OR2L2: variants seen among roughly 807,000 people sequenced by gnomAD.
OR2L2 encodes olfactory receptor 2L2.
For synonymous variants in OR2L2, 156 were observed against 135.4 expected, an observed-to-expected ratio of 1.15 and a Z score of -1.06; for missense variants, 378 against 375.2, an observed-to-expected ratio of 1.01 and a Z score of -0.06.
chr1:248,032,002 G>A (rs1384475949), intron 1 of OR2L2, among the ~76,000 whole-genome samples: 1 of 151,838 alleles, frequency 6.6e-6, no homozygotes, highest in Non-Finnish European at 1.5e-5. Context: ...AGAAATGTTT[G>A]GAATGTTAAT....
In OR2L2 at chr1:248,033,609, G is replaced by GT. The variant is rs61098243; in HGVS notation, c.-96-1928dup. ...GAGCCACCACACCTGGCTAATTTTT[G>GT]TTTTTTTTTTTTTGTACAGACAGGA... is the stretch of plus-strand genomic sequence containing the variant. On this transcript the variant is annotated intron_variant, in intron 1 of 2. Transcript: ENST00000641771. Among the ~76,000 whole-genome samples, 250 of 136,188 alleles carry GT rather than the reference G, an allele frequency of 1.8e-3. 1 individual carries two copies. The Middle Eastern group carries it at 0.024, about 13-fold the overall frequency. 89.3% of individuals were successfully genotyped at this position (136,188 alleles called of 152,430 possible).
intron 1 of OR2L2, among the ~76,000 whole-genome samples, chr1:248,033,399 T>C (rs1662671774): frequency 4.6e-5 from 7 of 152,014 alleles, no homozygotes; most frequent in Admixed American, 4.6e-4. Context: ...TATATGACAG[T>C]CTATTTCTTG....
intron 1 of OR2L2, among the ~76,000 whole-genome samples, chr1:248,033,051 G>T (rs1662662001): frequency 6.6e-6 from 1 of 152,112 alleles, no homozygotes; most frequent in Admixed American, 6.5e-5. Flanking sequence ...TTTTAACATT[G>T]AGATGACTTT....
Position 248,039,503 on chromosome 1 carries a change from C to G in OR2L2, c.*297C>G, listed in dbSNP as rs1365492520. 1 of 204,322 alleles carries G rather than the reference C, an allele frequency of 4.9e-6. No individual in the cohort carries two copies. The highest frequency in any genetic ancestry group is 1.0e-5 in the Non-Finnish European group (1 of 99,792). 12.7% of individuals were successfully genotyped at this position (204,322 alleles called of 1,614,324 possible). A position where few individuals can be genotyped will look rare whatever the true frequency, so the allele number is the denominator to read the frequency against. On this transcript the variant is annotated 3_prime_UTR_variant, in exon 3 of 3. Coordinates refer to ENST00000641771, the MANE Select transcript of OR2L2 (RefSeq NM_001385855.1). ...TGGCGCAATCTCAGCTCCCCATAAC[C>G]TCTGCCTCCTGGGTTCAAGCGATTC...
intron 1 of OR2L2, among the ~76,000 whole-genome samples, chr1:248,030,851 AG>A (rs1662600095): frequency 6.6e-6 from 1 of 152,182 alleles, no homozygotes; most frequent in South Asian, 2.1e-4. Context: ...AGTCAATAAA[AG>A]TTCATGCTGG....
chr1:248,031,652 GT>G (rs766041769), intron 1 of OR2L2, among the ~76,000 whole-genome samples: 10 of 152,164 alleles, frequency 6.6e-5, no homozygotes, highest in Non-Finnish European at 1.2e-4. Flanking sequence ...GTGGGAGGGA[GT>G]TTTTGGGGTG....
chr1:248,031,580 T>C (rs1000273037), intron 1 of OR2L2, among the ~76,000 whole-genome samples: 1 of 152,148 alleles, frequency 6.6e-6, no homozygotes, highest in Non-Finnish European at 1.5e-5. Flanking sequence ...GTATTTTCTA[T>C]CCAATGGTCT....
rs1437714481 is a variant in OR2L2, at chr1:248,039,088, C to A, written c.821C>A (p.Ala274Asp). Residue 274 changes from alanine to aspartate, a missense_variant, in exon 3 of 3, where the codon GCT becomes GAT. By Grantham distance (126) the Ala-to-Asp change is moderately radical (BLOSUM62 -2). Coordinates refer to ENST00000641771, the MANE Select transcript of OR2L2 (RefSeq NM_001385855.1). ...TCTCCAACAGAGGACAAGATTCTGG[C>A]TGTTTTCTACACCATCCTCACCCCA... The part of the protein sequence containing the change: ...LRSPTEDKIL[A>D]VFYTILTPML... 6.2e-7 allele frequency: 1 copy of A among 1,614,096 alleles called. No individual in the cohort carries two copies. Among genetic ancestry groups the A allele is most frequent in the Non-Finnish European group, 8.5e-7 (1 of 1,180,014 alleles).
At chr1:248,036,399 T>C (rs1023294670) in intron 2 of OR2L2, among the ~76,000 whole-genome samples, 1 of 152,242 alleles carries the variant, frequency 6.6e-6, no homozygotes, top group African/African-American at 2.4e-5. Context: ...GTGGATTTTA[T>C]AACATATCAT....
At chr1:248,032,332 C>T (rs1220786235) in intron 1 of OR2L2, among the ~76,000 whole-genome samples, 2 of 151,868 alleles carry the variant, frequency 1.3e-5, no homozygotes, top group Admixed American at 6.6e-5. Flanking sequence ...TGAGATAATA[C>T]ATATTATCTC....
rs1417487777 is a variant in OR2L2 at position 248,040,957 on chromosome 1, ATAATT to A, written c.*1755_*1759del. The A allele has an allele frequency of 2.0e-5, 3 of 152,198 alleles. No homozygotes were observed. Among genetic ancestry groups the A allele is most frequent in the African/African-American group, 7.2e-5 (3 of 41,456 alleles). 9.4% of individuals were successfully genotyped at this position (152,198 alleles called of 1,614,324 possible). On this transcript the variant is annotated 3_prime_UTR_variant, in exon 3 of 3. Transcript: ENST00000641771. ...CATTTAGAGTTTACTAGAGTACTGA[ATAATT>A]TAAATTTTGACTTATAGAATGGCAA...
rs542260753 is a variant in OR2L2, at chr1:248,030,215, G to T, written c.-117G>T. ...AGCTAAGCAAAGGCACTGAGTGTTT[G>T]GAAATGAGGAAATAATAAAGGTACT... On this transcript the variant is annotated 5_prime_UTR_variant, in exon 1 of 3. Transcript: ENST00000641771. 6.6e-6 allele frequency: 1 copy of T among 152,042 alleles called. No individual in the cohort carries two copies. Among genetic ancestry groups the T allele is most frequent in the Non-Finnish European group, 1.5e-5 (1 of 67,976 alleles). 9.4% of individuals were successfully genotyped at this position (152,042 alleles called of 1,614,324 possible).
chr1:248,038,128 A>T (rs1662816126), intron 2 of OR2L2, 119 bp from the exon 3 acceptor site: 1 of 583,462 alleles, frequency 1.7e-6, no homozygotes, highest in Non-Finnish European at 3.1e-6. Context: ...ATATAAAAAT[A>T]GTTTATATAG....
At chr1:248,032,918 A>G (rs1488830041) in intron 1 of OR2L2, among the ~76,000 whole-genome samples, 1 of 152,210 alleles carries the variant, frequency 6.6e-6, no homozygotes, top group Non-Finnish European at 1.5e-5. Context: ...AGAAATTACT[A>G]TACAGATGGT....
Position 248,034,116 on chromosome 1 carries a change from C to G in OR2L2, c.-96-1434C>G, listed in dbSNP as rs150316852. Among the ~76,000 whole-genome samples the G allele has an allele frequency of 6.6e-5, 10 of 152,228 alleles. No individual in the cohort carries two copies. In the East Asian group the frequency reaches 1.9e-3, roughly 29 times the overall value. On this transcript the variant is annotated intron_variant, in intron 1 of 2. Coordinates refer to ENST00000641771, the MANE Select transcript of OR2L2 (RefSeq NM_001385855.1). ...ATACCTAACCAAGGAGGTGAGAGAA[C>G]TCTATAAGGAAAACTACAAAACACT... is the stretch of plus-strand genomic sequence containing the variant.
At chr1:248,033,299 A>C (rs1307965936) in intron 1 of OR2L2, among the ~76,000 whole-genome samples, 1 of 152,136 alleles carries the variant, frequency 6.6e-6, no homozygotes, top group African/African-American at 2.4e-5. Context: ...TTGAATGTAG[A>C]TATCTAGTTT....
At chr1:248,035,113 G>A (rs746843352) in intron 1 of OR2L2, among the ~76,000 whole-genome samples, 6 of 147,698 alleles carry the variant, frequency 4.1e-5, no homozygotes, top group Admixed American at 6.8e-5. Context: ...AATAGATGCC[G>A]TGAAAGTGGA....
chr1:248,038,329 G>T lies in OR2L2; in HGVS notation c.62G>T (p.Arg21Ile), dbSNP rs1369382992. The T allele has an allele frequency of 6.2e-7, 1 of 1,613,690 alleles. No individual in the cohort carries two copies. Among genetic ancestry groups the T allele is most frequent in the Non-Finnish European group, 8.5e-7 (1 of 1,179,688 alleles). Residue 21 changes from arginine to isoleucine, a missense_variant, in exon 3 of 3, where the codon AGA becomes ATA. By Grantham distance (97) the Arg-to-Ile change is moderately conservative. Coordinates refer to ENST00000641771, the MANE Select transcript of OR2L2 (RefSeq NM_001385855.1). The part of the protein sequence containing the change: ...FILLGLFPQS[R>I]IGLFVFTLIF... ...TTATTGGGGCTGTTCCCACAATCAA[G>T]AATTGGCCTTTTCGTATTCACCCTC...
rs1257408514 is a variant in OR2L2 at position 248,039,752 on chromosome 1, CA to C, written c.*551del. 2 of 151,952 alleles carry C rather than the reference CA, an allele frequency of 1.3e-5. No individual in the cohort carries two copies. Among genetic ancestry groups the C allele is most frequent in the Non-Finnish European group, 2.9e-5 (2 of 67,996 alleles). The allele number at this position is 151,952 out of a possible 1,614,324, so 9.4% of individuals were successfully genotyped here. ...ATCTCCCATTATTATAAAAATAAGA[CA>C]AAAATAACAAATTAGTTAAAATTAC... On this transcript the variant is annotated 3_prime_UTR_variant, in exon 3 of 3. Coordinates refer to ENST00000641771, the MANE Select transcript of OR2L2 (RefSeq NM_001385855.1).
Sources: gnomAD v4.1 joint callset for allele counts (sites outside exome capture counted in the v4.1 genomes callset) on GRCh38, gnomAD v4.1.1 for gene constraint, MANE v1.5 for transcripts, NCBI Gene and HGNC (gene_info 2026-07-23, HGNC 2026-07-21) for gene names.